The following AK3 variants were observed in gnomAD, a reference collection of about 807,000 sequenced individuals.
AK3 encodes GTP:AMP phosphotransferase AK3, mitochondrial.
AK3 carries 27 observed loss-of-function variants against 23.7 expected under a neutral mutation model. The observed-to-expected ratio is 1.14, with a 90% CI of 0.84 to 1.57. The LOEUF (loss-of-function observed/expected upper bound fraction) is 1.57. Ranked by LOEUF, AK3 falls within the 40% of genes most tolerant of loss-of-function variation. The pLI is 0.00. For missense variants in AK3, 406 were observed against 285.6 expected (o/e 1.42, Z -3.04); for synonymous variants, 159 against 116.0 (o/e 1.37, Z -2.38).
At chr9:4,731,580 A>AT (rs1028154786) in intron 1 of AK3, among the ~76,000 whole-genome samples, 4 of 151,934 alleles carry the variant, frequency 2.6e-5, no homozygotes, top group Non-Finnish European at 4.4e-5. Flanking sequence ...TACTTAAAAA[A>AT]AAAAAAAGAC....
Position 4,712,775 on chromosome 9 carries a change from C to T in AK3, c.*201G>A, listed in dbSNP as rs776538103. The stretch of plus-strand genomic sequence containing the variant: ...TTTTTGAGGATAACTGCATACAACA[C>T]ACTAGATGATTTCAAACGATGCATC... On this transcript the variant is annotated 3_prime_UTR_variant, in exon 5 of 5. Transcript: ENST00000381809. 3.7e-5 allele frequency: 20 copies of T among 534,240 alleles called. No homozygotes were observed. The highest frequency in any genetic ancestry group is 2.0e-4 in the South Asian group (6 of 30,240). The allele number at this position is 534,240 out of a possible 1,614,324, so 33.1% of individuals were successfully genotyped here.
chr9:4,735,479 T>TATATA lies in AK3; in HGVS notation c.151+5457_151+5458insTATAT, dbSNP rs758311463. Among the ~76,000 whole-genome samples the TATATA allele has an allele frequency of 3.6e-4, 25 of 69,122 alleles. 1 individual carries two copies. The highest frequency in any genetic ancestry group is 6.2e-4 in the African/African-American group (10 of 16,226). 45.3% of individuals were successfully genotyped at this position (69,122 alleles called of 152,430 possible). On this transcript the variant is annotated intron_variant, in intron 1 of 4. Transcript: ENST00000381809. ...CATAGTATATGTGTATATATATATA[T>TATATA]TTTTTTTTTTTTTTTGGAAACAGAG...
intron 4 of AK3, among the ~76,000 whole-genome samples, chr9:4,716,220 C>T (rs1020989116): frequency 1.3e-5 from 2 of 152,180 alleles, no homozygotes; most frequent in African/African-American, 4.8e-5. Context: ...AAGCACATAT[C>T]ATATTGTATG....
At chr9:4,726,349 A>G (rs1842023661) in intron 1 of AK3, among the ~76,000 whole-genome samples, 1 of 152,184 alleles carries the variant, frequency 6.6e-6, no homozygotes, top group Admixed American at 6.5e-5. Context: ...TCCACAGTAG[A>G]ACTTCTTTCA....
At chr9:4,733,656 C>A (rs1842205949) in intron 1 of AK3, among the ~76,000 whole-genome samples, 2 of 152,186 alleles carry the variant, frequency 1.3e-5, no homozygotes, top group African/African-American at 2.4e-5. Flanking sequence ...GGTCTACACT[C>A]CCCTTCCCAT....
intron 1 of AK3, among the ~76,000 whole-genome samples, chr9:4,724,649 C>T (rs1267842866): frequency 6.6e-6 from 1 of 152,036 alleles, no homozygotes; most frequent in African/African-American, 2.4e-5. Flanking sequence ...TGTGGTGGCT[C>T]ATGGCTGTAG....
rs1940939414 is a variant in AK3 at position 4,712,144 on chromosome 9, G to A, written c.*832C>T. On this transcript the variant is annotated 3_prime_UTR_variant, in exon 5 of 5. Coordinates refer to ENST00000381809, the MANE Select transcript of AK3 (RefSeq NM_016282.4). ...ACATTTGGATCAAAAAGAAAAACCAGCAAGTAGATCCTAAAACACATTTCT... is the reference window on the plus strand; with the variant it reads ...ACATTTGGATCAAAAAGAAAAACCAACAAGTAGATCCTAAAACACATTTCT... The A allele has an allele frequency of 6.6e-6, 1 of 152,078 alleles. No individual in the cohort carries two copies. 9.4% of individuals were successfully genotyped at this position (152,078 alleles called of 1,614,324 possible).
intron 1 of AK3, among the ~76,000 whole-genome samples, chr9:4,728,481 G>C (rs1336549572): frequency 2.0e-5 from 3 of 152,176 alleles, no homozygotes; most frequent in Admixed American, 1.3e-4. Flanking sequence ...TGAGGCAGGA[G>C]AAGTGCTTGA....
chr9:4,740,861 C>T lies in AK3; in HGVS notation c.151+76G>A, dbSNP rs775812686. 2,496 of 1,372,372 alleles carry T rather than the reference C, an allele frequency of 1.8e-3. 5 individuals are homozygous for T. Among genetic ancestry groups the T allele is most frequent in the Non-Finnish European group, 2.3e-3 (2,376 of 1,051,192 alleles). 85.0% of individuals were successfully genotyped at this position (1,372,372 alleles called of 1,614,324 possible). A position where few individuals can be genotyped will look rare whatever the true frequency, so the allele number is the denominator to read the frequency against. On this transcript the variant is annotated intron_variant, in intron 1 of 4. Coordinates refer to ENST00000381809, the MANE Select transcript of AK3 (RefSeq NM_016282.4). ...GCGCCCGCAGCCAGGGACCCGCGTG[C>T]CCAGCTTCGGCCCCTCGCCCGCGAA... is the stretch of plus-strand genomic sequence containing the variant.
chr9:4,718,698 G>A (rs997446512), intron 3 of AK3, among the ~76,000 whole-genome samples, 161 bp from the exon 4 acceptor site: 1 of 152,172 alleles, frequency 6.6e-6, no homozygotes, highest in Non-Finnish European at 1.5e-5. Flanking sequence ...AGAGATCATC[G>A]CAACAGAAAC....
At position 4,729,587 on chromosome 9, in the gene AK3, T is replaced by C. The variant is rs114936325; in HGVS notation, c.152-6962A>G. ...TGGTGGCTCATGCCTGTAATCCCAA[T>C]GTTTTGGGAGCCAACACAGGAAGAC... On this transcript the variant is annotated intron_variant, in intron 1 of 4. Coordinates refer to ENST00000381809, the MANE Select transcript of AK3 (RefSeq NM_016282.4). Among the ~76,000 whole-genome samples, 1,037 of 152,104 alleles carry C rather than the reference T, an allele frequency of 6.8e-3. 22 individuals carry two copies. Among genetic ancestry groups the C allele is most frequent in the African/African-American group, 0.024 (990 of 41,496 alleles).
chr9:4,735,641 G>A (rs1005893886), intron 1 of AK3, among the ~76,000 whole-genome samples: 1 of 149,242 alleles, frequency 6.7e-6, no homozygotes, highest in Non-Finnish European at 1.5e-5. Flanking sequence ...ATTTTATTTT[G>A]TATTGTTAGT....
At chr9:4,713,490 G>C (rs141749839) in intron 4 of AK3, among the ~76,000 whole-genome samples, 10 of 152,246 alleles carry the variant, frequency 6.6e-5, no homozygotes, top group Non-Finnish European at 1.2e-4. Context: ...CAAGTTGGTA[G>C]TACATTTCCA....
At chr9:4,740,678 C>T (rs1563802592) in intron 1 of AK3, among the ~76,000 whole-genome samples, 1 of 152,184 alleles carries the variant, frequency 6.6e-6, no homozygotes, top group African/African-American at 2.4e-5. Flanking sequence ...CGGTGGTTTC[C>T]TTTCATCTCT....
At position 4,712,152 on chromosome 9, in the gene AK3, A is replaced by T. The variant is rs571944927; in HGVS notation, c.*824T>A. On this transcript the variant is annotated 3_prime_UTR_variant, in exon 5 of 5. Coordinates refer to ENST00000381809, the MANE Select transcript of AK3 (RefSeq NM_016282.4). Reference sequence around the variant, plus strand: ...ATCAAAAAGAAAAACCAGCAAGTAGATCCTAAAACACATTTCTTAACCTGA... The same window carrying T: ...ATCAAAAAGAAAAACCAGCAAGTAGTTCCTAAAACACATTTCTTAACCTGA... 6 of 152,286 alleles carry T rather than the reference A, an allele frequency of 3.9e-5. No individual in the cohort carries two copies. The highest frequency in any genetic ancestry group is 3.9e-4 in the Admixed American group (6 of 15,292). The allele number at this position is 152,286 out of a possible 1,614,324, so 9.4% of individuals were successfully genotyped here.
At chr9:4,719,331 G>C (rs1186395792) in intron 2 of AK3, 24 bp from the exon 3 acceptor site, 1 of 624,502 alleles carries the variant, frequency 1.6e-6, no homozygotes, top group Admixed American at 4.3e-5. Flanking sequence ...AAAAGAAAAA[G>C]AAGAAGAAAA....
rs80173184 is a variant in AK3 at position 4,733,868 on chromosome 9, A to G, written c.151+7069T>C. ...GGTAAGCTCTTATTGATTTTTCAACACACACCCTAAACGGCCCTTCATGGT... is the reference window on the plus strand; with the variant it reads ...GGTAAGCTCTTATTGATTTTTCAACGCACACCCTAAACGGCCCTTCATGGT... On this transcript the variant is annotated intron_variant, in intron 1 of 4. Coordinates refer to ENST00000381809, the MANE Select transcript of AK3 (RefSeq NM_016282.4). Among the ~76,000 whole-genome samples, 1,433 of 152,218 alleles carry G rather than the reference A, an allele frequency of 9.4e-3. 30 individuals are homozygous for G. The highest frequency in any genetic ancestry group is 0.033 in the African/African-American group (1,376 of 41,510).
chr9:4,726,553 C>A (rs926823533), intron 1 of AK3, among the ~76,000 whole-genome samples: 1 of 152,240 alleles, frequency 6.6e-6, no homozygotes, highest in South Asian at 2.1e-4. Flanking sequence ...GAGATTGCAG[C>A]AATCCAGTTA....
intron 1 of AK3, among the ~76,000 whole-genome samples, chr9:4,726,055 A>C (rs189379013): frequency 6.6e-6 from 1 of 152,328 alleles, no homozygotes; most frequent in Admixed American, 6.5e-5. Context: ...GTGCAATAGC[A>C]TTATGTCTAA....
Sources: allele counts gnomAD v4.1 joint callset (sites outside exome capture counted in the v4.1 genomes callset), GRCh38; gene constraint gnomAD v4.1.1; transcripts MANE v1.5; gene names NCBI Gene and HGNC (gene_info 2026-07-23, HGNC 2026-07-21).